Variants in OXCT1 observed in about 807,000 individuals in gnomAD.
The protein encoded by OXCT1 is succinyl-CoA:3-ketoacid coenzyme A transferase 1, mitochondrial.
In OXCT1, 27 loss-of-function variants were observed where a neutral mutation model predicts 69.6. That is an observed-to-expected ratio of 0.39 (90% CI 0.29 to 0.54). OXCT1 has a LOEUF of 0.54. Among genes scored for constraint, OXCT1 ranks in the 20% least tolerant of loss-of-function variants. OXCT1 has a pLI of 0.72. For missense variants in OXCT1, 437 were observed against 650.2 expected (o/e 0.67, Z 3.57); for synonymous variants, 202 against 217.8 (o/e 0.93, Z 0.64).
At chr5:41,768,822 T>G (rs1298602169) in intron 13 of OXCT1, among the ~76,000 whole-genome samples, 6 of 152,316 alleles carry the variant, frequency 3.9e-5, no homozygotes, top group Non-Finnish European at 8.8e-5. Context: ...AATACGTTGC[T>G]CCTCTGCATA....
At chr5:41,763,712 G>C (rs1744459156) in intron 13 of OXCT1, among the ~76,000 whole-genome samples, 2 of 152,016 alleles carry the variant, frequency 1.3e-5, no homozygotes. Flanking sequence ...GAGGGGGCGA[G>C]CGCTGGAAGA....
At chr5:41,783,471 C>T (rs1745505667) in intron 13 of OXCT1, among the ~76,000 whole-genome samples, 1 of 152,080 alleles carries the variant, frequency 6.6e-6, no homozygotes. Flanking sequence ...TCTAGGAAGC[C>T]TCATCTATCA....
chr5:41,781,638 T>C (rs1745404708), intron 13 of OXCT1, among the ~76,000 whole-genome samples: 1 of 152,166 alleles, frequency 6.6e-6, no homozygotes, highest in African/African-American at 2.4e-5. Context: ...TCTGTATGTG[T>C]TGTTCCCCCA....
At chr5:41,819,015 T>G (rs564949883) in intron 7 of OXCT1, among the ~76,000 whole-genome samples, 1 of 152,196 alleles carries the variant, frequency 6.6e-6, no homozygotes, top group South Asian at 2.1e-4. Context: ...ATTTGTAGAC[T>G]AGATCTATAT....
chr5:41,833,461 CA>C (rs1439161209), intron 7 of OXCT1, among the ~76,000 whole-genome samples: 1 of 147,402 alleles, frequency 6.8e-6, no homozygotes. Flanking sequence ...CAACCAAAAT[CA>C]GAGGGATTTC....
chr5:41,802,997 A>G, intron 10 of OXCT1, 72 bp downstream of exon 10: 1 of 1,126,542 alleles, frequency 8.9e-7, no homozygotes, highest in Non-Finnish European at 1.3e-6. Context: ...AAAATTTAAT[A>G]AAAAATTTCA....
rs3050894 is a variant in OXCT1, at chr5:41,859,864, A to AATATATATATATAT, written c.278+1436_278+1449dup. ...AACTATTATACCTGACTAGTATAGT[A>AATATATATATATAT]ATATATATATATATATATATATGTA... On this transcript the variant is annotated intron_variant, in intron 3 of 16. Transcript: ENST00000196371. Among the ~76,000 whole-genome samples, 94 of 120,078 alleles carry AATATATATATATAT rather than the reference A, an allele frequency of 7.8e-4. 3 individuals are homozygous for AATATATATATATAT. The highest frequency in any genetic ancestry group is 1.7e-3 in the South Asian group (6 of 3,434). 78.8% of individuals were successfully genotyped at this position (120,078 alleles called of 152,430 possible). A position where few individuals can be genotyped will look rare whatever the true frequency, so the allele number is the denominator to read the frequency against.
chr5:41,760,268 C>A (rs1231581280), intron 14 of OXCT1, among the ~76,000 whole-genome samples: 2 of 152,008 alleles, frequency 1.3e-5, no homozygotes, highest in South Asian at 2.1e-4. Context: ...GTGAATAATT[C>A]ATTACTATTA....
chr5:41,752,578 C>A (rs1743847036), intron 14 of OXCT1, among the ~76,000 whole-genome samples: 1 of 151,956 alleles, frequency 6.6e-6, no homozygotes, highest in Non-Finnish European at 1.5e-5. Context: ...CATAGCAAGA[C>A]CCTATTTCTA....
chr5:41,852,360 C>T (rs1022995783), intron 4 of OXCT1, among the ~76,000 whole-genome samples: 1 of 152,124 alleles, frequency 6.6e-6, no homozygotes, highest in Admixed American at 6.6e-5. Flanking sequence ...GACAAACACA[C>T]CATGATTTCA....
At chr5:41,834,027 A>C (rs1213229957) in intron 7 of OXCT1, among the ~76,000 whole-genome samples, 1 of 151,958 alleles carries the variant, frequency 6.6e-6, no homozygotes, top group Non-Finnish European at 1.5e-5. Flanking sequence ...AAAAGCATAG[A>C]GTTTGTATTA....
chr5:41,859,907 T>TATATATATATATAC (rs1304074270), intron 3 of OXCT1, among the ~76,000 whole-genome samples: 37 of 138,462 alleles, frequency 2.7e-4, no homozygotes, highest in African/African-American at 8.2e-4. Flanking sequence ...TATATATATA[T>TATATATATATATAC]ACACACACAC....
chr5:41,852,330 G>A (rs1377903865), intron 4 of OXCT1, among the ~76,000 whole-genome samples: 1 of 152,174 alleles, frequency 6.6e-6, no homozygotes, highest in Non-Finnish European at 1.5e-5. Context: ...CCTCAGAATA[G>A]TTCCCATGTG....
At chr5:41,820,552 G>C (rs1030541387) in intron 7 of OXCT1, among the ~76,000 whole-genome samples, 2 of 152,126 alleles carry the variant, frequency 1.3e-5, no homozygotes, top group African/African-American at 4.8e-5. Flanking sequence ...TTAGGGATTA[G>C]TGAACTGCAA....
chr5:41,740,823 T>C (rs1232385094), intron 15 of OXCT1, among the ~76,000 whole-genome samples: 1 of 152,226 alleles, frequency 6.6e-6, no homozygotes, highest in Non-Finnish European at 1.5e-5. Context: ...TCCAGCATAT[T>C]AAGCACTGTA....
chr5:41,800,370 G>A (rs1746366039), intron 11 of OXCT1, among the ~76,000 whole-genome samples: 1 of 151,830 alleles, frequency 6.6e-6, no homozygotes, highest in South Asian at 2.1e-4. Context: ...AAACCCCAGT[G>A]TACCAGATCT....
At chr5:41,857,263 T>C (rs1749473251) in intron 3 of OXCT1, among the ~76,000 whole-genome samples, 1 of 152,204 alleles carries the variant, frequency 6.6e-6, no homozygotes, top group South Asian at 2.1e-4. Context: ...ATCACTGCTC[T>C]TGCTCACACC....
chr5:41,747,478 G>A lies in OXCT1; in HGVS notation c.1419+2049C>T, dbSNP rs570136353. On this transcript the variant is annotated intron_variant, in intron 15 of 16. Transcript: ENST00000196371. ...TAGATAAACAATGGTGAGCCAGACA[G>A]GCAGAGATTAGAGTTTATTTCAGTA... is the stretch of plus-strand genomic sequence containing the variant. Among the ~76,000 whole-genome samples the A allele has an allele frequency of 5.3e-5, 8 of 152,200 alleles. No individual in the cohort carries two copies. The South Asian group carries it at 6.2e-4, about 12-fold the overall frequency.
At chr5:41,793,127 C>T (rs1412172311) in intron 13 of OXCT1, among the ~76,000 whole-genome samples, 1 of 152,126 alleles carries the variant, frequency 6.6e-6, no homozygotes. Flanking sequence ...CTACATTAAT[C>T]CACCTTCCTC....
Sources: gnomAD v4.1 joint callset for allele counts (sites outside exome capture counted in the v4.1 genomes callset) on GRCh38, gnomAD v4.1.1 for gene constraint, MANE v1.5 for transcripts, NCBI Gene and HGNC (gene_info 2026-07-23, HGNC 2026-07-21) for gene names.